The following SPINK5 variants were observed in gnomAD, a reference collection of about 807,000 sequenced individuals.
SPINK5 encodes the protein serine peptidase inhibitor Kazal type 5, also known as serine protease inhibitor Kazal-type 5.
Under a neutral mutation model 151.8 loss-of-function variants are expected in SPINK5, and 125 were observed. The observed-to-expected ratio is 0.82, with a 90% CI of 0.71 to 0.96. The LOEUF is 0.96. SPINK5 is among the 40% of genes least tolerant of loss of function. The probability of loss-of-function intolerance (pLI) is 0.00; values close to 1 mark genes in which losing one functional copy is unlikely to be tolerated. For synonymous variants in SPINK5, 374 were observed against 395.3 expected, an observed-to-expected ratio of 0.95 and a Z score of 0.64; for missense variants, 1,194 against 1,291.9, an observed-to-expected ratio of 0.92 and a Z score of 1.16.
At chr5:148,120,237 G>A (rs766876539) in intron 25 of SPINK5, 58 bp from the exon 26 acceptor site, 14 of 1,607,866 alleles carry the variant, frequency 8.7e-6, no homozygotes, top group Non-Finnish European at 1.2e-5. Context: ...AAGCAGATCT[G>A]GTAATTAATG....
Position 148,070,334 on chromosome 5 carries a change from T to C in SPINK5, c.93T>C (p.His31=). The part of the protein sequence containing the change: ...ASKNEDQEMC[H]EFQAFMKNGK... Reference sequence around the variant, plus strand: ...TGGCATTATCTTAGGAAATGTGCCATGAATTTCAGGCATTTATGAAAAATG... The same window carrying C: ...TGGCATTATCTTAGGAAATGTGCCACGAATTTCAGGCATTTATGAAAAATG... The change falls in exon 3 of 33, where the codon CAT becomes CAC. Residue 31 remains histidine (H), a synonymous_variant. Coordinates refer to ENST00000256084, the MANE Select transcript of SPINK5 (RefSeq NM_006846.4). 6.2e-7 allele frequency: 1 copy of C among 1,612,450 alleles called. No homozygotes were observed. The highest frequency in any genetic ancestry group is 8.5e-7 in the Non-Finnish European group (1 of 1,179,030).
At chr5:148,114,239 A>T in intron 20 of SPINK5, 123 bp from the exon 21 acceptor site, 1 of 1,137,614 alleles carries the variant, frequency 8.8e-7, no homozygotes, top group Non-Finnish European at 1.2e-6. Context: ...TATAACTGCC[A>T]GAAAAAAAAT....
intron 12 of SPINK5, 145 bp from the exon 13 acceptor site, chr5:148,100,309 A>G (rs1298214018): frequency 1.1e-6 from 1 of 902,292 alleles, no homozygotes; most frequent in Admixed American, 2.5e-5. Flanking sequence ...TTGTTGTCAA[A>G]TTGAATTTTA....
chr5:148,125,805 A>G lies in SPINK5; in HGVS notation c.2822A>G (p.Asp941Gly). The change falls in exon 29 of 33, where the codon GAT becomes GGT. Residue 941 changes from aspartate to glycine, a missense_variant. Transcript: ENST00000256084. ...GAGAATGACCCAGTGCACGGTGCTG[A>G]TGGAAAGTTCTATACAAACAAGTGC... Reference protein sequence around the residue: ...PRENDPVHGADGKFYTNKCYM... With the variant: ...PRENDPVHGAGGKFYTNKCYM... The G allele has an allele frequency of 1.2e-6, 2 of 1,614,236 alleles. No individual in the cohort carries two copies. The highest frequency in any genetic ancestry group is 8.5e-7 in the Non-Finnish European group (1 of 1,180,034).
chr5:148,129,597 C>A (rs1477166162), intron 30 of SPINK5, among the ~76,000 whole-genome samples: 1 of 152,078 alleles, frequency 6.6e-6, no homozygotes, highest in African/African-American at 2.4e-5. Flanking sequence ...AATTGATATA[C>A]CTGGTTGAGT....
intron 1 of SPINK5, 121 bp downstream of exon 1, chr5:148,064,220 T>C (rs1243259759): frequency 9.8e-7 from 1 of 1,019,364 alleles, no homozygotes; most frequent in East Asian, 2.4e-5. Flanking sequence ...TCCTGAAATG[T>C]CTTGCCAGAC....
chr5:148,113,143 G>T (rs1379847520), intron 20 of SPINK5, among the ~76,000 whole-genome samples: 1 of 152,084 alleles, frequency 6.6e-6, no homozygotes, highest in African/African-American at 2.4e-5. Flanking sequence ...ACTCCACTTG[G>T]CTGTTGTGAC....
At chr5:148,116,328 C>G in intron 21 of SPINK5, 42 bp from the exon 22 acceptor site, 1 of 1,596,302 alleles carries the variant, frequency 6.3e-7, no homozygotes, top group East Asian at 2.2e-5. Flanking sequence ...ACACCACTCT[C>G]TGTAATCTAT....
Position 148,125,580 on chromosome 5 carries a change from G to A in SPINK5, c.2740-143G>A, listed in dbSNP as rs760295496. On this transcript the variant is annotated intron_variant, in intron 28 of 32. Transcript: ENST00000256084. ...AGGATGCAAAATTTAGACAACCTGG[G>A]CGTTCCTTGGCCTCTGTTGCCAGGA... 6.8e-6 allele frequency: 11 copies of A among 1,614,076 alleles called. No individual in the cohort carries two copies. In the Admixed American group the frequency reaches 1.5e-4, roughly 22 times the overall value.
chr5:148,070,978 T>A (rs899700705), intron 3 of SPINK5, among the ~76,000 whole-genome samples: 2 of 152,044 alleles, frequency 1.3e-5, no homozygotes, highest in African/African-American at 2.4e-5. Context: ...AAAGGGTAGA[T>A]TATAGTTTCC....
At position 148,111,846 on chromosome 5, in the gene SPINK5, C is replaced by T. The variant is rs1347502043; in HGVS notation, c.1771C>T (p.Leu591=). The change falls in exon 19 of 33, where the codon CTA becomes TTA. Residue 591 remains leucine, a synonymous_variant. Coordinates refer to ENST00000256084, the MANE Select transcript of SPINK5 (RefSeq NM_006846.4). ...CTRENDPIEG[L]DGKIHGNTCS... is the part of the protein sequence containing the mutation. ...CAGAGAGAATGATCCTATTGAGGGT[C>T]TAGATGGGAAAATCCACGGCAACAC... 33 of 1,613,856 alleles carry T rather than the reference C, an allele frequency of 2.0e-5. No individual in the cohort carries two copies. The highest frequency in any genetic ancestry group is 2.5e-5 in the Non-Finnish European group (30 of 1,179,958).
chr5:148,100,739 T>C (rs981037024), intron 13 of SPINK5, among the ~76,000 whole-genome samples, 158 bp downstream of exon 13: 1 of 152,336 alleles, frequency 6.6e-6, no homozygotes, highest in East Asian at 1.9e-4. Flanking sequence ...TGAAAATCCA[T>C]GTCCTTTGAA....
In SPINK5 at chr5:148,095,565, C is replaced by T. The variant is rs532685907; in HGVS notation, c.795-253C>T. On this transcript the variant is annotated intron_variant, in intron 9 of 32. Transcript: ENST00000256084. Reference sequence around the variant, plus strand: ...TTGTATTTGGGAACTGGAATGTCTTCTTCAAAAAGGTAGAATTTAAGCTGC... The same window carrying T: ...TTGTATTTGGGAACTGGAATGTCTTTTTCAAAAAGGTAGAATTTAAGCTGC... Among the ~76,000 whole-genome samples the T allele has an allele frequency of 7.9e-5, 12 of 152,042 alleles. No individual in the cohort carries two copies. The South Asian group carries it at 8.3e-4, about 10-fold the overall frequency.
intron 11 of SPINK5, among the ~76,000 whole-genome samples, 167 bp from the exon 12 acceptor site, chr5:148,099,067 C>A (rs1753557945): frequency 6.8e-6 from 1 of 146,230 alleles, no homozygotes; most frequent in East Asian, 2.1e-4. Flanking sequence ...AATCATAGCA[C>A]CATACTATCC....
intron 15 of SPINK5, among the ~76,000 whole-genome samples, chr5:148,103,662 TTATTGA>T (rs1344750993): frequency 6.6e-6 from 1 of 152,214 alleles, no homozygotes; most frequent in African/African-American, 2.4e-5. Context: ...TATAAATTCT[TTATTGA>T]AAAGAAATAA....
At chr5:148,102,264 G>A (rs964000561) in intron 15 of SPINK5, among the ~76,000 whole-genome samples, 3 of 152,154 alleles carry the variant, frequency 2.0e-5, no homozygotes, top group African/African-American at 7.2e-5. Context: ...TTAATCAAAG[G>A]GTGCAAAGTT....
intron 3 of SPINK5, 51 bp from the exon 4 acceptor site, chr5:148,072,097 A>G: frequency 6.4e-7 from 1 of 1,559,912 alleles, no homozygotes; most frequent in Non-Finnish European, 8.8e-7. Context: ...TGTTATTGTT[A>G]AAAGTTGAGC....
intron 27 of SPINK5, 43 bp downstream of exon 27, chr5:148,124,003 T>A (rs1270986528): frequency 6.2e-7 from 1 of 1,610,648 alleles, no homozygotes; most frequent in South Asian, 1.1e-5. Context: ...GTTGTGCCTG[T>A]TTGCTAGAAA....
chr5:148,134,547 C>T (rs970683725), intron 32 of SPINK5, among the ~76,000 whole-genome samples: 10 of 152,044 alleles, frequency 6.6e-5, no homozygotes, highest in African/African-American at 2.4e-4. Flanking sequence ...ATACTCTAAA[C>T]CAAATATCCC....
Sources: allele counts gnomAD v4.1 joint callset (sites outside exome capture counted in the v4.1 genomes callset), GRCh38; gene constraint gnomAD v4.1.1; transcripts MANE v1.5; gene names NCBI Gene and HGNC (gene_info 2026-07-23, HGNC 2026-07-21).